The following CERS3 variants were observed in gnomAD, a reference collection of about 807,000 sequenced individuals.
CERS3 encodes the protein LAG1 homolog, ceramide synthase 3.
CERS3 carries 33 observed loss-of-function variants against 50.3 expected under a neutral mutation model. That is an observed-to-expected ratio of 0.66 (90% CI 0.50 to 0.88). CERS3 has a LOEUF of 0.88. Among genes scored for constraint, CERS3 ranks in the 40% least tolerant of loss-of-function variants. The pLI is 0.00. For synonymous variants in CERS3, 176 were observed against 155.2 expected, an observed-to-expected ratio of 1.13 and a Z score of -0.99; for missense variants, 470 against 460.3, an observed-to-expected ratio of 1.02 and a Z score of -0.19.
intron 10 of CERS3, among the ~76,000 whole-genome samples, chr15:100,465,914 C>T (rs2034699659): frequency 6.6e-6 from 1 of 152,176 alleles, no homozygotes; most frequent in African/African-American, 2.4e-5. Context: ...CTGCCTTGGC[C>T]TCCCAAAGTG....
At chr15:100,453,997 A>G (rs2034267346) in intron 11 of CERS3, among the ~76,000 whole-genome samples, 1 of 152,220 alleles carries the variant, frequency 6.6e-6, no homozygotes, top group Non-Finnish European at 1.5e-5. Flanking sequence ...GACATAAACA[A>G]ATGGAAAGAC....
At chr15:100,412,060 G>T (rs942272758) in intron 11 of CERS3, among the ~76,000 whole-genome samples, 1 of 151,852 alleles carries the variant, frequency 6.6e-6, no homozygotes, top group Non-Finnish European at 1.5e-5. Context: ...TCATTTTGTG[G>T]GTTACCTTTA....
chr15:100,487,513 G>T (rs1230723513), intron 4 of CERS3, among the ~76,000 whole-genome samples: 1 of 152,152 alleles, frequency 6.6e-6, no homozygotes, highest in Non-Finnish European at 1.5e-5. Flanking sequence ...ACCTTACATG[G>T]TCTGTCCTCA....
At position 100,440,183 on chromosome 15, in the gene CERS3, G is replaced by A. The variant is rs141472332; in HGVS notation, c.999+15710C>T. Among the ~76,000 whole-genome samples the A allele has an allele frequency of 3.0e-3, 456 of 152,224 alleles. 2 individuals carry two copies. The highest frequency in any genetic ancestry group is 0.01 in the African/African-American group (435 of 41,500). ...ACACCAACTACTGCAGGTACAAACTGTCTAACTGATCCAGTTCTTATTTAA... is the reference window on the plus strand; with the variant it reads ...ACACCAACTACTGCAGGTACAAACTATCTAACTGATCCAGTTCTTATTTAA... On this transcript the variant is annotated intron_variant, in intron 11 of 11. Transcript: ENST00000679737.
intron 2 of CERS3, among the ~76,000 whole-genome samples, chr15:100,504,724 T>A (rs2654621): frequency 5.9e-5 from 9 of 152,142 alleles, no homozygotes; most frequent in African/African-American, 1.7e-4. Flanking sequence ...GACCACGGAC[T>A]GCAGACTTGA....
chr15:100,542,049 CA>C lies in CERS3; in HGVS notation c.-355+2601del, dbSNP rs77640124. ...TTTCAGCTATTTAAATCCTTAAAAT[CA>C]AAATCAACCAATGAATCAATCAAAA... On this transcript the variant is annotated intron_variant, in intron 1 of 12. Transcript: ENST00000284382. 3.7e-4 allele frequency among the ~76,000 whole-genome samples: 56 copies of C among 152,132 alleles called. 3 individuals are homozygous for C. In the East Asian group the frequency reaches 0.01, roughly 28 times the overall value.
chr15:100,437,533 T>C (rs146993777), intron 11 of CERS3, among the ~76,000 whole-genome samples: 45 of 152,334 alleles, frequency 3.0e-4, no homozygotes, highest in African/African-American at 1.0e-3. Context: ...GGACTCACAA[T>C]GTCAGCTGCA....
In CERS3 at chr15:100,509,603, A is replaced by G. The variant is rs112765530; in HGVS notation, c.-1-7753T>C. Among the ~76,000 whole-genome samples, 679 of 152,324 alleles carry G rather than the reference A, an allele frequency of 4.5e-3. 14 individuals carry two copies. Among genetic ancestry groups the G allele is most frequent in the African/African-American group, 0.016 (647 of 41,572 alleles). ...AGTGCAAGGATGCGCTTGAGTTCACATTCGCGATCTCTGAACATTATTATG... is the reference window on the plus strand; with the variant it reads ...AGTGCAAGGATGCGCTTGAGTTCACGTTCGCGATCTCTGAACATTATTATG... On this transcript the variant is annotated intron_variant, in intron 2 of 11. Transcript: ENST00000679737.
At chr15:100,538,896 A>G (rs942834835) in intron 1 of CERS3, among the ~76,000 whole-genome samples, 4 of 152,208 alleles carry the variant, frequency 2.6e-5, no homozygotes, top group Non-Finnish European at 4.4e-5. Context: ...TCTTTTAAAC[A>G]TAAGTTCCAA....
rs764232525 is a variant in CERS3, at chr15:100,479,047, T to C, written c.516+381A>G. Among the ~76,000 whole-genome samples the C allele has an allele frequency of 5.3e-4, 80 of 152,046 alleles. 1 individual carries two copies. Among genetic ancestry groups the C allele is most frequent in the Admixed American group, 1.4e-3 (21 of 15,256 alleles). On this transcript the variant is annotated intron_variant, in intron 7 of 11. Transcript: ENST00000679737. ...AGGACATATACAGTAATGTCCAAGA[T>C]AATTACTAGAAGAACAAAAGCATGT...
Position 100,540,081 on chromosome 15 carries a change from T to G in CERS3, c.-355+4570A>C, listed in dbSNP as rs367830443. Among the ~76,000 whole-genome samples, 71 of 152,264 alleles carry G rather than the reference T, an allele frequency of 4.7e-4. 1 individual carries two copies. Among genetic ancestry groups the G allele is most frequent in the African/African-American group, 1.6e-3 (67 of 41,552 alleles). On this transcript the variant is annotated intron_variant, in intron 1 of 12. Coordinates refer to the CERS3 transcript ENST00000284382. ...CTATTTCCTAAACCACCCTCTGAAG[T>G]TCAATCCCTACCCCATGTGCCCCAC...
chr15:100,430,229 G>T (rs11637192), intron 11 of CERS3, among the ~76,000 whole-genome samples: 41,784 of 151,060 alleles, frequency 0.28, 5,950 homozygotes, highest in East Asian at 0.42. Flanking sequence ...GGAGAATGGC[G>T]TGAACCCGGG....
At chr15:100,445,070 G>A (rs2033875158) in intron 11 of CERS3, among the ~76,000 whole-genome samples, 2 of 150,288 alleles carry the variant, frequency 1.3e-5, no homozygotes, top group African/African-American at 2.4e-5. Context: ...ACTTAAAAAG[G>A]ACTGGACAAT....
intron 11 of CERS3, among the ~76,000 whole-genome samples, chr15:100,407,847 T>TTTTA (rs924332396): frequency 2.6e-5 from 4 of 152,138 alleles, no homozygotes; most frequent in Admixed American, 1.3e-4. Context: ...TGCAACACCA[T>TTTTA]TTTATTTATT....
At chr15:100,458,293 G>A (rs2034439517) in intron 10 of CERS3, among the ~76,000 whole-genome samples, 1 of 152,114 alleles carries the variant, frequency 6.6e-6, no homozygotes, top group Non-Finnish European at 1.5e-5. Flanking sequence ...TTCTTTGTTT[G>A]AAAAACAGGG....
At chr15:100,429,717 CAT>C (rs1202222314) in intron 11 of CERS3, among the ~76,000 whole-genome samples, 2 of 152,202 alleles carry the variant, frequency 1.3e-5, no homozygotes, top group Admixed American at 6.5e-5. Flanking sequence ...TTGATCCTCA[CAT>C]GACACAGCAC....
At chr15:100,483,259 T>A (rs2654640) in intron 5 of CERS3, among the ~76,000 whole-genome samples, 1 of 152,164 alleles carries the variant, frequency 6.6e-6, no homozygotes, top group African/African-American at 2.4e-5. Flanking sequence ...TACACTCCCA[T>A]GTGCCACTGG....
At chr15:100,446,244 T>C (rs1321137220) in intron 11 of CERS3, among the ~76,000 whole-genome samples, 2 of 151,108 alleles carry the variant, frequency 1.3e-5, no homozygotes. Context: ...TTTAGAACTT[T>C]AATAAACTAG....
At chr15:100,537,596 A>G (rs1208825551) in intron 1 of CERS3, among the ~76,000 whole-genome samples, 3 of 152,192 alleles carry the variant, frequency 2.0e-5, no homozygotes, top group Non-Finnish European at 4.4e-5. Flanking sequence ...AAACCATCAG[A>G]TCTCACCAGA....
Sources: gnomAD v4.1 joint callset for allele counts (sites outside exome capture counted in the v4.1 genomes callset) on GRCh38, gnomAD v4.1.1 for gene constraint, MANE v1.5 for transcripts, NCBI Gene and HGNC (gene_info 2026-07-23, HGNC 2026-07-21) for gene names.